The following CTNNA3 variants were observed in gnomAD, a reference collection of about 807,000 sequenced individuals.
CTNNA3 encodes catenin alpha 3.
CTNNA3 carries 76 observed loss-of-function variants against 95.7 expected under a neutral mutation model. That is an observed-to-expected ratio of 0.79 (90% CI 0.66 to 0.96). The LOEUF is 0.96. CTNNA3 is among the 40% of genes least tolerant of loss of function. CTNNA3 has a pLI of 0.00. For missense variants in CTNNA3, 1,191 were observed against 1,089.8 expected, an observed-to-expected ratio of 1.09 and a Z score of -1.31; for synonymous variants, 431 against 374.4, an observed-to-expected ratio of 1.15 and a Z score of -1.74.
chr10:66,721,221 T>C (rs1260659306), intron 9 of CTNNA3, among the ~76,000 whole-genome samples: 1 of 152,166 alleles, frequency 6.6e-6, no homozygotes, highest in Non-Finnish European at 1.5e-5. Flanking sequence ...GGAAGATGAC[T>C]GAGGTACTTG....
In CTNNA3 at chr10:66,673,676, G is replaced by T. The variant is rs1207970161; in HGVS notation, c.1282-51892C>A. Among the ~76,000 whole-genome samples, 4 of 151,964 alleles carry T rather than the reference G, an allele frequency of 2.6e-5. No homozygotes were observed. In the East Asian group the frequency reaches 7.7e-4, roughly 29 times the overall value. On this transcript the variant is annotated intron_variant, in intron 9 of 17. Transcript: ENST00000433211. ...TACCAAATACAGCCACATCGTCAAA[G>T]GATATACTACATAATCTTAAAGGCA...
chr10:66,185,971 G>A (rs532314310), intron 13 of CTNNA3, among the ~76,000 whole-genome samples: 5 of 151,016 alleles, frequency 3.3e-5, no homozygotes, highest in Admixed American at 6.6e-5. Context: ...ATATATACAC[G>A]GATATGTACA....
chr10:66,275,799 G>C (rs887163563), intron 13 of CTNNA3, among the ~76,000 whole-genome samples: 3 of 151,522 alleles, frequency 2.0e-5, no homozygotes, highest in African/African-American at 7.3e-5. Flanking sequence ...GACACATAAA[G>C]AAAAGATGTC....
At chr10:66,428,402 C>T (rs1225384809) in intron 11 of CTNNA3, among the ~76,000 whole-genome samples, 1 of 152,072 alleles carries the variant, frequency 6.6e-6, no homozygotes, top group Admixed American at 6.6e-5. Flanking sequence ...ACCAAGCAGA[C>T]CTAATAGACA....
Position 67,343,196 on chromosome 10 carries a change from C to T in CTNNA3, c.580-123326G>A, listed in dbSNP as rs180791181. The stretch of plus-strand genomic sequence containing the variant: ...GAACTCCTGACCTCAAGTGATCTGC[C>T]CGCCTTGGCCTCCCAAAGTGCTGGG... On this transcript the variant is annotated intron_variant, in intron 5 of 17. Transcript: ENST00000433211. Among the ~76,000 whole-genome samples the T allele has an allele frequency of 3.7e-3, 560 of 152,290 alleles. 2 individuals carry two copies. Among genetic ancestry groups the T allele is most frequent in the African/African-American group, 0.013 (523 of 41,568 alleles).
chr10:66,083,651 T>C (rs1024901865), intron 14 of CTNNA3, among the ~76,000 whole-genome samples: 10 of 152,214 alleles, frequency 6.6e-5, no homozygotes, highest in African/African-American at 1.9e-4. Context: ...GTCTGGCTTA[T>C]TCTTCTACGC....
At chr10:66,112,409 T>C (rs1229042127) in intron 13 of CTNNA3, among the ~76,000 whole-genome samples, 1 of 152,184 alleles carries the variant, frequency 6.6e-6, no homozygotes, top group Non-Finnish European at 1.5e-5. Flanking sequence ...CAAAACTGCC[T>C]CCAGGAACCA....
chr10:66,767,165 G>T (rs1286475663), intron 8 of CTNNA3, among the ~76,000 whole-genome samples: 1 of 151,546 alleles, frequency 6.6e-6, no homozygotes, highest in African/African-American at 2.4e-5. Context: ...TCATAATATC[G>T]GGCCAGGCAC....
chr10:66,968,406 G>C (rs1182433254), intron 7 of CTNNA3, among the ~76,000 whole-genome samples: 2 of 144,172 alleles, frequency 1.4e-5, no homozygotes, highest in Non-Finnish European at 3.1e-5. Context: ...TTGACATTAA[G>C]GGAAAGAAAT....
At chr10:66,355,902 G>A (rs2092605128) in intron 12 of CTNNA3, among the ~76,000 whole-genome samples, 1 of 25,574 alleles carries the variant, frequency 3.9e-5, no homozygotes, top group Non-Finnish European at 1.2e-4. Context: ...GAGGTTCAAT[G>A]TCTAAATTGT....
At chr10:66,177,078 G>A (rs949493540) in intron 13 of CTNNA3, among the ~76,000 whole-genome samples, 3 of 152,092 alleles carry the variant, frequency 2.0e-5, no homozygotes, top group Non-Finnish European at 4.4e-5. Flanking sequence ...TCACAATGCA[G>A]AATAAACATG....
chr10:67,636,016 A>G (rs1452238261), intron 2 of CTNNA3, among the ~76,000 whole-genome samples: 11 of 152,206 alleles, frequency 7.2e-5, no homozygotes, highest in Non-Finnish European at 2.9e-5. Context: ...ATTCCTATAC[A>G]TGAACAATAG....
At chr10:66,280,259 T>C (rs911011592) in intron 13 of CTNNA3, among the ~76,000 whole-genome samples, 5 of 152,088 alleles carry the variant, frequency 3.3e-5, no homozygotes, top group African/African-American at 1.2e-4. Flanking sequence ...TAAAATGCAC[T>C]CATTTGTGTA....
intron 12 of CTNNA3, among the ~76,000 whole-genome samples, chr10:66,298,613 CGTGGATATTTTATTGGGAGACG>C (rs1181029781): frequency 3.9e-5 from 6 of 152,094 alleles, no homozygotes; most frequent in African/African-American, 4.8e-5. Flanking sequence ...ATTTCCCTTT[CGTGGATATTTTATTGGGAGACG>C]GTACCTGCCT....
At chr10:66,000,978 T>G (rs561648091) in intron 15 of CTNNA3, among the ~76,000 whole-genome samples, 6 of 152,270 alleles carry the variant, frequency 3.9e-5, no homozygotes, top group Admixed American at 2.0e-4. Context: ...AAGATCACCT[T>G]AGCCATTGAT....
At chr10:67,665,076 GTAATAGCTCAGT>G (rs1169831899) in intron 1 of CTNNA3, among the ~76,000 whole-genome samples, 13 of 152,182 alleles carry the variant, frequency 8.5e-5, no homozygotes, top group Non-Finnish European at 1.5e-4. Context: ...AATCATTATA[GTAATAGCTCAGT>G]TACAGAGTAG....
At chr10:66,063,466 C>T (rs1023918616) in intron 15 of CTNNA3, among the ~76,000 whole-genome samples, 10 of 151,414 alleles carry the variant, frequency 6.6e-5, no homozygotes, top group Non-Finnish European at 1.3e-4. Flanking sequence ...TAGGTATTTA[C>T]TTCTGAAATT....
At chr10:66,788,600 GA>G in intron 7 of CTNNA3, among the ~76,000 whole-genome samples, 1 of 152,232 alleles carries the variant, frequency 6.6e-6, no homozygotes, top group Non-Finnish European at 1.5e-5. Flanking sequence ...TCTGTTGTTA[GA>G]AAGCTGAGGA....
chr10:67,538,149 A>C (rs1840541914), intron 4 of CTNNA3, among the ~76,000 whole-genome samples: 1 of 136,216 alleles, frequency 7.3e-6, no homozygotes, highest in Non-Finnish European at 1.6e-5. Context: ...CTAAAAAGCT[A>C]CTTAAACTAA....
Sources: allele counts gnomAD v4.1 joint callset (sites outside exome capture counted in the v4.1 genomes callset), GRCh38; gene constraint gnomAD v4.1.1; transcripts MANE v1.5; gene names NCBI Gene and HGNC (gene_info 2026-07-23, HGNC 2026-07-21).